CNPY1: variants seen among roughly 807,000 people sequenced by gnomAD.
CNPY1 encodes the protein canopy FGF signaling regulator 1.
CNPY1 carries 14 observed loss-of-function variants against 14.4 expected under a neutral mutation model. The observed-to-expected ratio is 0.97, with a 90% confidence interval of 0.64 to 1.52. The LOEUF is 1.52. Ranked by LOEUF, CNPY1 falls within the 40% of genes most tolerant of loss-of-function variation. The pLI, the probability that CNPY1 is intolerant of heterozygous loss-of-function variation, is 0.00. For missense variants in CNPY1, 129 were observed against 131.5 expected (o/e 0.98, Z 0.09); for synonymous variants, 43 against 46.5 (o/e 0.92, Z 0.31).
chr7:155,519,716 A>G (rs1295271728), intron 2 of CNPY1, among the ~76,000 whole-genome samples: 2 of 152,178 alleles, frequency 1.3e-5, no homozygotes, highest in Non-Finnish European at 2.9e-5. Flanking sequence ...TACTCAAGTA[A>G]TGAAATTCAC....
chr7:155,528,064 G>A (rs1041799036), intron 2 of CNPY1, among the ~76,000 whole-genome samples: 1 of 152,222 alleles, frequency 6.6e-6, no homozygotes, highest in African/African-American at 2.4e-5. Context: ...TTGTAGAGAA[G>A]GGACAGCAGA....
At chr7:155,545,442 G>C (rs1243702471) in intron 2 of CNPY1, among the ~76,000 whole-genome samples, 1 of 152,190 alleles carries the variant, frequency 6.6e-6, no homozygotes, top group African/African-American at 2.4e-5. Context: ...CCCCCAACTA[G>C]AAATCTGCAC....
chr7:155,542,573 G>A (rs1797096595), intron 2 of CNPY1, among the ~76,000 whole-genome samples: 1 of 151,990 alleles, frequency 6.6e-6, no homozygotes, highest in African/African-American at 2.4e-5. Context: ...AATGCTGCTA[G>A]TGGCAAAGTA....
intron 2 of CNPY1, among the ~76,000 whole-genome samples, chr7:155,543,199 G>T (rs983290259): frequency 6.6e-6 from 1 of 152,162 alleles, no homozygotes; most frequent in South Asian, 2.1e-4. Flanking sequence ...GTGGCCAGCC[G>T]GGCCGGGCTG....
At chr7:155,506,871 G>T in intron 4 of CNPY1, 149 bp downstream of exon 4, 2 of 654,656 alleles carry the variant, frequency 3.1e-6, no homozygotes, top group Non-Finnish European at 5.4e-6. Context: ...ACATGCTGTC[G>T]TTTCTGATTC....
intron 2 of CNPY1, among the ~76,000 whole-genome samples, chr7:155,523,143 A>G (rs1796755615): frequency 6.6e-6 from 1 of 152,218 alleles, no homozygotes; most frequent in Admixed American, 6.5e-5. Context: ...CAGTTTTGAC[A>G]GCTTGTTTTG....
chr7:155,511,296 T>C (rs1796526558), intron 2 of CNPY1, among the ~76,000 whole-genome samples: 1 of 152,212 alleles, frequency 6.6e-6, no homozygotes, highest in Admixed American at 6.5e-5. Flanking sequence ...ACTTAATTCA[T>C]GTTGAGTAGA....
chr7:155,503,300 C>T (rs538344743), intron 4 of CNPY1, among the ~76,000 whole-genome samples, 195 bp from the exon 5 acceptor site: 1 of 152,110 alleles, frequency 6.6e-6, no homozygotes, highest in South Asian at 2.1e-4. Context: ...CCCTGCACCC[C>T]AAACCCAGCT....
chr7:155,503,930 TG>T (rs1796207276), intron 4 of CNPY1, among the ~76,000 whole-genome samples: 1 of 152,210 alleles, frequency 6.6e-6, no homozygotes, highest in Non-Finnish European at 1.5e-5. Flanking sequence ...ATACCTTGAG[TG>T]GCACAGAGCT....
chr7:155,508,823 A>G, intron 3 of CNPY1, 71 bp downstream of exon 3: 1 of 1,514,850 alleles, frequency 6.6e-7, no homozygotes, highest in Non-Finnish European at 9.1e-7. Context: ...ACAAGAGTAG[A>G]AAACAACAAA....
chr7:155,517,093 C>G (rs1452522071), intron 2 of CNPY1, among the ~76,000 whole-genome samples: 2 of 152,160 alleles, frequency 1.3e-5, no homozygotes, highest in African/African-American at 4.8e-5. Flanking sequence ...GAATCATGTC[C>G]CCAAAATCCA....
chr7:155,540,429 T>A (rs541084184), intron 2 of CNPY1, among the ~76,000 whole-genome samples: 1 of 152,342 alleles, frequency 6.6e-6, no homozygotes, highest in South Asian at 2.1e-4. Flanking sequence ...CACTAAAGCT[T>A]TCTGGGCCTC....
At chr7:155,505,450 T>G (rs1796272054) in intron 4 of CNPY1, among the ~76,000 whole-genome samples, 1 of 152,244 alleles carries the variant, frequency 6.6e-6, no homozygotes, top group Admixed American at 6.5e-5. Flanking sequence ...AGTGTTAAGT[T>G]TTATTCCAAT....
intron 2 of CNPY1, among the ~76,000 whole-genome samples, chr7:155,543,732 G>A (rs932052509): frequency 1.3e-5 from 2 of 152,162 alleles, no homozygotes; most frequent in African/African-American, 2.4e-5. Context: ...GAACCCACCC[G>A]CGCGCCTACA....
Position 155,545,810 on chromosome 7 carries a change from ACAT to A in CNPY1, c.99+18_99+20del. The A allele has an allele frequency of 2.5e-6, 1 of 398,590 alleles. No homozygotes were observed. Among genetic ancestry groups the A allele is most frequent in the Non-Finnish European group, 4.4e-6 (1 of 226,040 alleles). The allele number at this position is 398,590 out of a possible 1,614,324, so 24.7% of individuals were successfully genotyped here. A position where few individuals can be genotyped will look rare whatever the true frequency, so the allele number is the denominator to read the frequency against. On this transcript the variant is annotated intron_variant, in intron 2 of 4. Transcript: ENST00000636446. ...CCCATATCCGCAATTATACACTGGC[ACAT>A]AATATCTTTTCCACTACCTTTCTCC...
chr7:155,503,553 G>A lies in CNPY1; in HGVS notation c.401-448C>T, dbSNP rs1204733819. ...TGCAAACTCTATCGAAAAAGGCTAT[G>A]GATTACTTTAGCTACATAACTTTTA... is the stretch of plus-strand genomic sequence containing the variant. On this transcript the variant is annotated intron_variant, in intron 4 of 4. Coordinates refer to ENST00000636446, the MANE Select transcript of CNPY1 (RefSeq NM_001393663.1). Among the ~76,000 whole-genome samples the A allele has an allele frequency of 2.6e-5, 4 of 152,052 alleles. No homozygotes were observed. The East Asian group carries it at 7.7e-4, about 29-fold the overall frequency.
chr7:155,514,609 G>A (rs980654537), intron 2 of CNPY1, among the ~76,000 whole-genome samples: 9 of 152,252 alleles, frequency 5.9e-5, no homozygotes, highest in South Asian at 2.1e-4. Flanking sequence ...AATGTTAGAC[G>A]TCTGGCTGGG....
chr7:155,503,001 C>A lies in CNPY1; in HGVS notation c.*67G>T. ...CTTATCATGAAAGACAACATGCAAA[C>A]ATAAAATGCAGACATTGACCTTTGG... On this transcript the variant is annotated 3_prime_UTR_variant, in exon 5 of 5. Transcript: ENST00000636446. The A allele has an allele frequency of 1.4e-6, 2 of 1,409,068 alleles. No individual in the cohort carries two copies. Among genetic ancestry groups the A allele is most frequent in the Non-Finnish European group, 2.0e-6 (2 of 1,015,286 alleles). The allele number at this position is 1,409,068 out of a possible 1,614,324, so 87.3% of individuals were successfully genotyped here. A position where few individuals can be genotyped will look rare whatever the true frequency, so the allele number is the denominator to read the frequency against.
At chr7:155,516,764 G>A (rs1796629265) in intron 2 of CNPY1, among the ~76,000 whole-genome samples, 1 of 152,124 alleles carries the variant, frequency 6.6e-6, no homozygotes, top group Non-Finnish European at 1.5e-5. Flanking sequence ...GGAATGTCCT[G>A]GGCCCAGGGT....
Sources: gnomAD v4.1 joint callset for allele counts (sites outside exome capture counted in the v4.1 genomes callset) on GRCh38, gnomAD v4.1.1 for gene constraint, MANE v1.5 for transcripts, NCBI Gene and HGNC (gene_info 2026-07-23, HGNC 2026-07-21) for gene names.